CERS3: variants seen among roughly 807,000 people sequenced by gnomAD.
CERS3 encodes the protein ceramide synthase 3.
A neutral mutation model predicts 50.3 loss-of-function variants in CERS3; 33 were observed. The observed-to-expected ratio is 0.66, with a 90% CI of 0.50 to 0.88. The LOEUF (loss-of-function observed/expected upper bound fraction) is 0.88, where lower values mean the gene tolerates loss of function less well. Among genes scored for constraint, CERS3 ranks in the 40% least tolerant of loss-of-function variants. CERS3 has a pLI of 0.00. For synonymous variants in CERS3, 176 were observed against 155.2 expected, an observed-to-expected ratio of 1.13 and a Z score of -0.99; for missense variants, 470 against 460.3, an observed-to-expected ratio of 1.02 and a Z score of -0.19.
At chr15:100,408,911 G>A (rs2031264298) in intron 11 of CERS3, 1 of 152,194 alleles carries the variant, frequency 6.6e-6, no homozygotes, top group South Asian at 2.1e-4. Context: ...TAAAAGAGAG[G>A]AAACTGAGGC....
Position 100,538,169 on chromosome 15 carries a change from G to C in CERS3, c.-355+6482C>G, listed in dbSNP as rs190777140. 2.0e-3 allele frequency among the ~76,000 whole-genome samples: 309 copies of C among 152,346 alleles called. 3 individuals are homozygous for C. Among genetic ancestry groups the C allele is most frequent in the Admixed American group, 1.9e-3 (29 of 15,300 alleles). On this transcript the variant is annotated intron_variant, in intron 1 of 12. Coordinates refer to the CERS3 transcript ENST00000284382. ...CCAGCTCTGTCCCTGTGGCTTTGCAGGGTACAGCCCTGCTCCCAGCTGTTT... is the reference window on the plus strand; with the variant it reads ...CCAGCTCTGTCCCTGTGGCTTTGCACGGTACAGCCCTGCTCCCAGCTGTTT...
intron 3 of CERS3, among the ~76,000 whole-genome samples, chr15:100,499,443 A>C (rs1457651632): frequency 6.6e-6 from 1 of 152,234 alleles, no homozygotes; most frequent in Non-Finnish European, 1.5e-5. Context: ...AATACAAAGT[A>C]AATGTCAGTT....
chr15:100,456,577 T>C (rs2034379597), intron 10 of CERS3, among the ~76,000 whole-genome samples: 1 of 152,340 alleles, frequency 6.6e-6, no homozygotes, highest in East Asian at 1.9e-4. Context: ...GTATGCTTTA[T>C]TAGTTTCATA....
upstream of CERS3, among the ~76,000 whole-genome samples, chr15:100,532,325 T>C (rs1748625427): frequency 6.6e-6 from 1 of 152,198 alleles, no homozygotes; most frequent in African/African-American, 2.4e-5. Flanking sequence ...ACTTAACATA[T>C]ACAGTTTTTG....
chr15:100,421,806 CA>C (rs1307413917), intron 11 of CERS3, among the ~76,000 whole-genome samples: 2 of 117,376 alleles, frequency 1.7e-5, no homozygotes, highest in Non-Finnish European at 3.6e-5. Context: ...TGATCTTTGA[CA>C]AACCTGAGAA....
chr15:100,474,157 A>AT (rs1827969950), intron 8 of CERS3, among the ~76,000 whole-genome samples: 2 of 152,108 alleles, frequency 1.3e-5, no homozygotes, highest in African/African-American at 4.8e-5. Context: ...TGACTGCTAA[A>AT]TGGTATAGAG....
At chr15:100,524,370 A>C (rs1272223538) in intron 1 of CERS3, among the ~76,000 whole-genome samples, 1 of 152,246 alleles carries the variant, frequency 6.6e-6, no homozygotes, top group African/African-American at 2.4e-5. Flanking sequence ...ACCACTTAGG[A>C]AAATTCAAGT....
chr15:100,431,680 T>G (rs923646538), intron 11 of CERS3, among the ~76,000 whole-genome samples: 1 of 152,224 alleles, frequency 6.6e-6, no homozygotes, highest in African/African-American at 2.4e-5. Context: ...TGCTTAATCT[T>G]GTAGATCTCA....
intron 11 of CERS3, among the ~76,000 whole-genome samples, chr15:100,453,489 G>A (rs1285775222): frequency 6.6e-6 from 1 of 152,220 alleles, no homozygotes; most frequent in East Asian, 1.9e-4. Context: ...TAGTCATAGA[G>A]GGAACATAAC....
At chr15:100,463,990 G>GT (rs1204187565) in intron 10 of CERS3, among the ~76,000 whole-genome samples, 6 of 152,242 alleles carry the variant, frequency 3.9e-5, no homozygotes, top group African/African-American at 1.4e-4. Context: ...ATCTTTCTCT[G>GT]TTTTTTAAAA....
At chr15:100,544,581 G>C (rs920020167) in intron 1 of CERS3, 2 of 152,592 alleles carry the variant, frequency 1.3e-5, no homozygotes, top group African/African-American at 2.4e-5. Flanking sequence ...CACACACCGC[G>C]GTGAGCAGGG....
chr15:100,462,541 A>C (rs554195415), intron 10 of CERS3, among the ~76,000 whole-genome samples: 20 of 152,212 alleles, frequency 1.3e-4, no homozygotes, highest in Non-Finnish European at 2.4e-4. Flanking sequence ...TGGGTAGTTG[A>C]AGAAAACTTA....
In CERS3 at chr15:100,476,143, T is replaced by G. The variant is rs1014049875; in HGVS notation, c.552A>C (p.Leu184Phe). The G allele has an allele frequency of 3.8e-6, 6 of 1,584,194 alleles. No individual in the cohort carries two copies. The highest frequency in any genetic ancestry group is 5.1e-6 in the Non-Finnish European group (6 of 1,169,430). ...ACAGAGACCAATAAAAACTCATTTC[T>G]AAAATGTAGTACCAGTACTGGGATG... ...LLPSQYWYYI[L>F]EMSFYWSLLF... The change falls in exon 8 of 12, where the codon TTA becomes TTC. Residue 184 changes from leucine (L) to phenylalanine (F), a missense_variant. By Grantham distance (22) the Leu-to-Phe change is conservative (BLOSUM62 0). Transcript: ENST00000679737.
chr15:100,514,968 C>G (rs1039293323), intron 2 of CERS3, among the ~76,000 whole-genome samples: 1 of 152,180 alleles, frequency 6.6e-6, no homozygotes, highest in African/African-American at 2.4e-5. Context: ...CATGCAACAT[C>G]TAGCCCAGCG....
intron 1 of CERS3, among the ~76,000 whole-genome samples, chr15:100,524,737 T>C (rs1596812712): frequency 6.6e-6 from 1 of 152,222 alleles, no homozygotes; most frequent in Non-Finnish European, 1.5e-5. Context: ...TTAAATGATG[T>C]CAAGTAATCT....
intron 11 of CERS3, among the ~76,000 whole-genome samples, chr15:100,436,881 G>A (rs1007384989): frequency 3.3e-5 from 5 of 151,362 alleles, no homozygotes; most frequent in Non-Finnish European, 5.9e-5. Context: ...GAGAGACACT[G>A]CAACATCTAA....
chr15:100,408,150 G>A (rs1290725921), intron 11 of CERS3, among the ~76,000 whole-genome samples: 1 of 152,206 alleles, frequency 6.6e-6, no homozygotes, highest in African/African-American at 2.4e-5. Flanking sequence ...GGGATTACAG[G>A]TGTAAGCCAC....
chr15:100,482,725 G>A (rs901834848), intron 5 of CERS3, among the ~76,000 whole-genome samples: 1 of 152,112 alleles, frequency 6.6e-6, no homozygotes, highest in African/African-American at 2.4e-5. Flanking sequence ...CGTGCCTGGG[G>A]GCTCATCCCT....
chr15:100,478,780 T>TA (rs967097723), intron 7 of CERS3, among the ~76,000 whole-genome samples: 49 of 151,676 alleles, frequency 3.2e-4, no homozygotes, highest in Admixed American at 1.8e-3. Flanking sequence ...TACCCACCAT[T>TA]AAAAAAAATA....
Sources: allele counts gnomAD v4.1 joint callset (sites outside exome capture counted in the v4.1 genomes callset), GRCh38; gene constraint gnomAD v4.1.1; transcripts MANE v1.5; gene names NCBI Gene and HGNC (gene_info 2026-07-23, HGNC 2026-07-21).